The following RASAL2 variants were observed in gnomAD, a reference collection of about 807,000 sequenced individuals.
The protein encoded by RASAL2 is RAS protein activator like 2.
A neutral mutation model predicts 128.9 loss-of-function variants in RASAL2; 58 were observed. That is an observed-to-expected ratio of 0.45 (90% confidence interval 0.36 to 0.56). The LOEUF (loss-of-function observed/expected upper bound fraction) is 0.56. Among genes scored for constraint, RASAL2 ranks in the 20% least tolerant of loss-of-function variants. The pLI is 0.00. For missense variants in RASAL2, 1,360 were observed against 1,601.6 expected, an observed-to-expected ratio of 0.85 and a Z score of 2.57; for synonymous variants, 561 against 580.8, an observed-to-expected ratio of 0.97 and a Z score of 0.49.
At chr1:178,200,319 C>A (rs1662818470) in intron 1 of RASAL2, among the ~76,000 whole-genome samples, 1 of 152,174 alleles carries the variant, frequency 6.6e-6, no homozygotes, top group South Asian at 2.1e-4. Flanking sequence ...CAGTGATAGT[C>A]CTTGGCGTGA....
At chr1:178,434,350 C>T (rs1489963508) in intron 5 of RASAL2, among the ~76,000 whole-genome samples, 1 of 152,080 alleles carries the variant, frequency 6.6e-6, no homozygotes, top group Non-Finnish European at 1.5e-5. Flanking sequence ...TCCACCTTCA[C>T]TGTGTGTATA....
intron 2 of RASAL2, among the ~76,000 whole-genome samples, chr1:178,295,207 T>C (rs1314114882): frequency 6.6e-6 from 1 of 151,192 alleles, no homozygotes; most frequent in African/African-American, 2.4e-5. Context: ...GTCTAGAATG[T>C]CTAGAGTGGT....
chr1:178,140,261 C>G (rs1458537005), intron 1 of RASAL2, among the ~76,000 whole-genome samples: 1 of 152,162 alleles, frequency 6.6e-6, no homozygotes, highest in Non-Finnish European at 1.5e-5. Flanking sequence ...CCAAGTGCCA[C>G]TCTCCCCCAA....
chr1:178,314,627 A>G (rs569986847), intron 3 of RASAL2, among the ~76,000 whole-genome samples: 2 of 152,062 alleles, frequency 1.3e-5, no homozygotes, highest in Non-Finnish European at 2.9e-5. Context: ...TATGTTTACA[A>G]TATTTTTTTT....
rs78574652 is a variant in RASAL2, at chr1:178,362,008, G to T, written c.458-28092G>T. Among the ~76,000 whole-genome samples the T allele has an allele frequency of 5.5e-3, 840 of 152,226 alleles. 8 individuals carry two copies. Among genetic ancestry groups the T allele is most frequent in the African/African-American group, 0.019 (788 of 41,530 alleles). On this transcript the variant is annotated intron_variant, in intron 3 of 17. Transcript: ENST00000367649. Reference sequence around the variant, plus strand: ...TCTGATGCCACCACTGATCTAACAGGAGGTGGCGCTCTGGCGGTAATGCTT... The same window carrying T: ...TCTGATGCCACCACTGATCTAACAGTAGGTGGCGCTCTGGCGGTAATGCTT...
At chr1:178,227,579 T>A (rs1268331711) in intron 1 of RASAL2, among the ~76,000 whole-genome samples, 1 of 152,174 alleles carries the variant, frequency 6.6e-6, no homozygotes, top group Non-Finnish European at 1.5e-5. Context: ...AGTGTCTGGT[T>A]GTTTTTTGTT....
intron 1 of RASAL2, among the ~76,000 whole-genome samples, chr1:178,187,966 A>G (rs898895190): frequency 6.6e-6 from 1 of 152,034 alleles, no homozygotes; most frequent in African/African-American, 2.4e-5. Flanking sequence ...ATTAATACCA[A>G]TGTGTAACCC....
chr1:178,320,809 G>A (rs1161646474), intron 3 of RASAL2, among the ~76,000 whole-genome samples: 1 of 152,138 alleles, frequency 6.6e-6, no homozygotes, highest in Non-Finnish European at 1.5e-5. Flanking sequence ...GGCCATCTTG[G>A]CTCCTCCCCT....
chr1:178,372,032 A>C, intron 3 of RASAL2: 1 of 405,652 alleles, frequency 2.5e-6, no homozygotes, highest in Non-Finnish European at 3.3e-6. Context: ...TTTTAACCCT[A>C]TTTCTTTCCC....
rs71297900 is a variant in RASAL2 at position 178,141,193 on chromosome 1, C to CTTT, written c.202+46522_202+46524dup. Among the ~76,000 whole-genome samples the CTTT allele has an allele frequency of 2.4e-3, 179 of 73,926 alleles. 5 individuals carry two copies. Among genetic ancestry groups the CTTT allele is most frequent in the South Asian group, 4.1e-3 (6 of 1,480 alleles). 48.5% of individuals were successfully genotyped at this position (73,926 alleles called of 152,430 possible). The stretch of plus-strand genomic sequence containing the variant: ...CTGGAGACCACTTTTCTTTTCTTTT[C>CTTT]TTTTTTTTTTTTTTTTTTTTTTTTT... On this transcript the variant is annotated intron_variant, in intron 1 of 17. Coordinates refer to ENST00000367649, the MANE Select transcript of RASAL2 (RefSeq NM_170692.4).
chr1:178,126,340 A>G (rs894332128), intron 1 of RASAL2, among the ~76,000 whole-genome samples: 1 of 152,212 alleles, frequency 6.6e-6, no homozygotes, highest in African/African-American at 2.4e-5. Context: ...GTAGACAGTA[A>G]ATAAATGCTG....
At chr1:178,399,573 G>A (rs563743177) in intron 4 of RASAL2, among the ~76,000 whole-genome samples, 54 of 152,276 alleles carry the variant, frequency 3.5e-4, no homozygotes, top group African/African-American at 1.2e-3. Flanking sequence ...GGGGCCCCTG[G>A]CACCTCTGAA....
chr1:178,297,582 G>A (rs1364476127), intron 2 of RASAL2, among the ~76,000 whole-genome samples: 2 of 128,540 alleles, frequency 1.6e-5, no homozygotes, highest in African/African-American at 6.0e-5. Context: ...ACTCCAGCCT[G>A]AGCAACAAGA....
chr1:178,166,228 G>A (rs1182307711), intron 1 of RASAL2, among the ~76,000 whole-genome samples: 1 of 152,120 alleles, frequency 6.6e-6, no homozygotes, highest in East Asian at 1.9e-4. Flanking sequence ...TAATAGCTGT[G>A]TAACACAATA....
intron 3 of RASAL2, among the ~76,000 whole-genome samples, chr1:178,362,458 C>T (rs1430868897): frequency 1.3e-5 from 2 of 149,682 alleles, no homozygotes; most frequent in Non-Finnish European, 3.0e-5. Flanking sequence ...CCTTCCTTCT[C>T]TCCCTCCCTC....
At chr1:178,300,964 A>C (rs1042756922) in intron 3 of RASAL2, among the ~76,000 whole-genome samples, 1 of 152,176 alleles carries the variant, frequency 6.6e-6, no homozygotes, top group Non-Finnish European at 1.5e-5. Flanking sequence ...TATTGTCTCT[A>C]TGGTGATCAG....
intron 3 of RASAL2, among the ~76,000 whole-genome samples, chr1:178,344,393 T>A (rs1290373829): frequency 1.6e-4 from 25 of 152,146 alleles, no homozygotes; most frequent in Admixed American, 1.6e-3. Flanking sequence ...AGGCAAAAGA[T>A]AGGGGCCAGG....
In RASAL2 at chr1:178,094,675, G is replaced by C; in HGVS notation, c.183G>C (p.Gln61His). 6.2e-7 allele frequency: 1 copy of C among 1,614,132 alleles called. No individual in the cohort carries two copies. The highest frequency in any genetic ancestry group is 1.1e-5 in the South Asian group (1 of 91,080). Reference sequence around the variant, plus strand: ...TTCTGGAGTCCGTGTGCCAGCAACAGAGCTGGGTCCGGGTGTACGGTAAGG... The same window carrying C: ...TTCTGGAGTCCGTGTGCCAGCAACACAGCTGGGTCCGGGTGTACGGTAAGG... ...RILLESVCQQQSWVRVYDVKG... is the reference protein window; with the variant it reads ...RILLESVCQQHSWVRVYDVKG... The change falls in exon 1 of 18, where the codon CAG (glutamine) becomes CAC (histidine). Residue 61 changes from glutamine to histidine, a missense_variant. By Grantham distance (24) the Gln-to-His change is conservative. This residue lies in a region of RASAL2 where 617 missense variants were observed against 714.2 expected (regional missense o/e 0.86). Transcript: ENST00000367649.
chr1:178,129,358 C>T (rs1660018464), intron 1 of RASAL2, among the ~76,000 whole-genome samples: 1 of 152,040 alleles, frequency 6.6e-6, no homozygotes. Context: ...ATGTTGAACA[C>T]CTTGTTATGT....
Sources: allele counts gnomAD v4.1 joint callset (sites outside exome capture counted in the v4.1 genomes callset), GRCh38; gene constraint gnomAD v4.1.1; regional missense constraint gnomAD v4.1.1; transcripts MANE v1.5; gene names NCBI Gene and HGNC (gene_info 2026-07-23, HGNC 2026-07-21).